ITPR2: variants seen among roughly 807,000 people sequenced by gnomAD.
ITPR2 encodes the protein inositol 1,4,5-trisphosphate-gated calcium channel ITPR2.
Under a neutral mutation model 317.1 loss-of-function variants are expected in ITPR2, and 207 were observed. That is an observed-to-expected ratio of 0.65 (90% confidence interval 0.58 to 0.73). The LOEUF is 0.73. Ranked by LOEUF, ITPR2 falls within the 30% of genes least tolerant of loss-of-function variation. The probability of loss-of-function intolerance (pLI) is 0.00; values close to 1 mark genes in which losing one functional copy is unlikely to be tolerated. For missense variants in ITPR2, 2,613 were observed against 3,284.0 expected (o/e 0.80, Z 4.99); for synonymous variants, 1,156 against 1,149.1 (o/e 1.01, Z -0.12).
chr12:26,705,289 T>C (rs1565706273), intron 9 of ITPR2, among the ~76,000 whole-genome samples: 1 of 152,160 alleles, frequency 6.6e-6, no homozygotes, highest in Non-Finnish European at 1.5e-5. Flanking sequence ...AAGTAACAAA[T>C]GATTGCATTC....
chr12:26,823,803 A>G (rs186532800), intron 1 of ITPR2, among the ~76,000 whole-genome samples: 20 of 152,340 alleles, frequency 1.3e-4, no homozygotes, highest in African/African-American at 4.8e-4. Context: ...TTTCAAAGAT[A>G]GTCAATAAAA....
chr12:26,729,694 T>C lies in ITPR2; in HGVS notation c.164-3929A>G, dbSNP rs954366910. 3.3e-5 allele frequency among the ~76,000 whole-genome samples: 5 copies of C among 152,118 alleles called. No homozygotes were observed. The East Asian group carries it at 7.7e-4, about 24-fold the overall frequency. On this transcript the variant is annotated intron_variant, in intron 2 of 56. Transcript: ENST00000381340. The stretch of plus-strand genomic sequence containing the variant: ...GAGGCCATTATCCCTAGCAAGCTAG[T>C]GCAGGAACAGAAAATCAAATAAGTT...
intron 52 of ITPR2, among the ~76,000 whole-genome samples, chr12:26,405,813 C>A (rs1023607459): frequency 2.0e-5 from 3 of 152,106 alleles, no homozygotes; most frequent in African/African-American, 7.2e-5. Flanking sequence ...CAAAAACTAG[C>A]CAGGCGTGGT....
intron 10 of ITPR2, among the ~76,000 whole-genome samples, chr12:26,691,674 G>A (rs1259395802): frequency 1.3e-5 from 2 of 152,108 alleles, no homozygotes; most frequent in African/African-American, 2.4e-5. Context: ...CATCCGCACA[G>A]CAGTCAGCCC....
chr12:26,384,728 G>A (rs1939617187), intron 55 of ITPR2, among the ~76,000 whole-genome samples: 1 of 152,104 alleles, frequency 6.6e-6, no homozygotes, highest in South Asian at 2.1e-4. Flanking sequence ...CTTCTTTCTG[G>A]CCTCTTTGCA....
intron 37 of ITPR2, among the ~76,000 whole-genome samples, chr12:26,536,829 A>G (rs1328612734): frequency 6.6e-6 from 1 of 152,178 alleles, no homozygotes; most frequent in Non-Finnish European, 1.5e-5. Flanking sequence ...AGAGCAATTG[A>G]CTGGGATGTG....
intron 2 of ITPR2, among the ~76,000 whole-genome samples, chr12:26,745,690 C>T (rs1269177639): frequency 6.6e-6 from 1 of 152,130 alleles, no homozygotes; most frequent in East Asian, 1.9e-4. Flanking sequence ...GACAGAGAGA[C>T]AGAAAGGTAG....
intron 37 of ITPR2, among the ~76,000 whole-genome samples, chr12:26,518,976 C>CA (rs1361497705): frequency 6.6e-6 from 1 of 152,014 alleles, no homozygotes; most frequent in East Asian, 1.9e-4. Flanking sequence ...TAAAATTTAT[C>CA]AAAATTGAAC....
chr12:26,582,136 G>GT lies in ITPR2; in HGVS notation c.4381-1982dup, dbSNP rs1354601900. 3.3e-5 allele frequency among the ~76,000 whole-genome samples: 5 copies of GT among 152,184 alleles called. No homozygotes were observed. In the East Asian group the frequency reaches 9.6e-4, roughly 29 times the overall value. Reference sequence around the variant, plus strand: ...AGAAATTCAAATAATTTTTCAAGATGTTTTTCCTGTCCCCTATGAATGATA... The same window carrying GT: ...AGAAATTCAAATAATTTTTCAAGATGTTTTTTCCTGTCCCCTATGAATGATA... On this transcript the variant is annotated intron_variant, in intron 32 of 56. Transcript: ENST00000381340.
Position 26,784,410 on chromosome 12 carries a change from G to C in ITPR2, c.163+5747C>G, listed in dbSNP as rs1950169588. Among the ~76,000 whole-genome samples, 5 of 143,786 alleles carry C rather than the reference G, an allele frequency of 3.5e-5. No individual in the cohort carries two copies. In the South Asian group the frequency reaches 1.1e-3, roughly 33 times the overall value. The allele number at this position is 143,786 out of a possible 152,430, so 94.3% of individuals were successfully genotyped here. Reference sequence around the variant, plus strand: ...CTCCCTCTGATGCCGAGCCAAGGCTGGACGGTGCTGCTGCCATCTCGGCTC... The same window carrying C: ...CTCCCTCTGATGCCGAGCCAAGGCTCGACGGTGCTGCTGCCATCTCGGCTC... On this transcript the variant is annotated intron_variant, in intron 2 of 56. Transcript: ENST00000381340.
chr12:26,738,105 GA>G (rs1405302360), intron 2 of ITPR2, among the ~76,000 whole-genome samples: 4 of 152,140 alleles, frequency 2.6e-5, no homozygotes, highest in African/African-American at 9.7e-5. Flanking sequence ...GCTTTACACA[GA>G]TTCTTTAATC....
intron 20 of ITPR2, 55 bp from the exon 21 acceptor site, chr12:26,654,181 T>C (rs1389633593): frequency 1.5e-6 from 2 of 1,373,736 alleles, no homozygotes; most frequent in South Asian, 1.3e-5. Context: ...GAAAAAAAAA[T>C]TGGGTACTGA....
chr12:26,461,659 T>C (rs866342839), intron 45 of ITPR2, among the ~76,000 whole-genome samples: 77 of 98,332 alleles, frequency 7.8e-4, no homozygotes, highest in African/African-American at 2.5e-3. Context: ...TATATATATA[T>C]ATATATATAT....
At chr12:26,621,556 AAAC>A (rs1409870533) in intron 25 of ITPR2, among the ~76,000 whole-genome samples, 1 of 152,184 alleles carries the variant, frequency 6.6e-6, no homozygotes, top group East Asian at 1.9e-4. Flanking sequence ...GCAGAAACAA[AAAC>A]AACTGGGAGA....
intron 52 of ITPR2, among the ~76,000 whole-genome samples, chr12:26,401,789 A>G (rs1432188460): frequency 6.6e-6 from 1 of 152,230 alleles, no homozygotes; most frequent in Non-Finnish European, 1.5e-5. Flanking sequence ...TCCTCTTCTG[A>G]GCCGACTTTA....
chr12:26,601,387 C>T (rs1945995438), intron 28 of ITPR2, among the ~76,000 whole-genome samples: 1 of 152,154 alleles, frequency 6.6e-6, no homozygotes, highest in African/African-American at 2.4e-5. Flanking sequence ...TACCATTTCC[C>T]ACCAAATGGA....
intron 14 of ITPR2, among the ~76,000 whole-genome samples, chr12:26,665,222 T>C (rs1167666602): frequency 6.6e-6 from 1 of 152,186 alleles, no homozygotes; most frequent in African/African-American, 2.4e-5. Context: ...ACTGCCCTAC[T>C]TTCCCAGGGA....
At chr12:26,458,491 G>A (rs12308269) in intron 45 of ITPR2, among the ~76,000 whole-genome samples, 9,899 of 152,170 alleles carry the variant, frequency 0.065, 911 homozygotes, top group African/African-American at 0.21. Context: ...GTCACCACCT[G>A]CACCCAAAGC....
At position 26,338,273 on chromosome 12, in the gene ITPR2, C is replaced by A. The variant is rs1230768548; in HGVS notation, c.*1124G>T. On this transcript the variant is annotated 3_prime_UTR_variant, in exon 57 of 57. Transcript: ENST00000381340. ...CTGAGTGCATGATTTAATACAAAAACAATTTGAATAAGAGATTTTTATCTT... is the reference window on the plus strand; with the variant it reads ...CTGAGTGCATGATTTAATACAAAAAAAATTTGAATAAGAGATTTTTATCTT... 6.6e-6 allele frequency: 1 copy of A among 152,608 alleles called. No homozygotes were observed. 9.5% of individuals were successfully genotyped at this position (152,608 alleles called of 1,614,324 possible).
Sources: gnomAD v4.1 joint callset for allele counts (sites outside exome capture counted in the v4.1 genomes callset) on GRCh38, gnomAD v4.1.1 for gene constraint, MANE v1.5 for transcripts, NCBI Gene and HGNC (gene_info 2026-07-23, HGNC 2026-07-21) for gene names.